Variants in KCTD16 observed in about 807,000 individuals in gnomAD.
The protein encoded by KCTD16 is potassium channel tetramerization domain containing 16.
In KCTD16, 13 loss-of-function variants were observed where a neutral mutation model predicts 33.2. The ratio of observed to expected loss-of-function variants is 0.39; its 90% CI spans 0.25 to 0.62. The LOEUF (loss-of-function observed/expected upper bound fraction) is 0.62, where lower values mean the gene tolerates loss of function less well. Ranked by LOEUF, KCTD16 falls within the 20% of genes least tolerant of loss-of-function variation. KCTD16 has a pLI of 0.50. For missense variants in KCTD16, 441 were observed against 525.1 expected, an observed-to-expected ratio of 0.84 and a Z score of 1.57; for synonymous variants, 197 against 195.3, an observed-to-expected ratio of 1.01 and a Z score of -0.07.
intron 3 of KCTD16, among the ~76,000 whole-genome samples, chr5:144,461,330 C>A (rs947359640): frequency 1.3e-5 from 2 of 152,006 alleles, no homozygotes; most frequent in Admixed American, 1.3e-4. Flanking sequence ...TCTTCCCATA[C>A]CCCCACTTCC....
At chr5:144,229,952 G>A (rs1754051444) in intron 3 of KCTD16, among the ~76,000 whole-genome samples, 1 of 152,144 alleles carries the variant, frequency 6.6e-6, no homozygotes, top group Non-Finnish European at 1.5e-5. Flanking sequence ...AACCAGCGTG[G>A]CCAACATGGT....
intron 3 of KCTD16, among the ~76,000 whole-genome samples, chr5:144,267,058 T>C (rs1357796582): frequency 6.6e-6 from 1 of 152,232 alleles, no homozygotes; most frequent in African/African-American, 2.4e-5. Flanking sequence ...AAATTAAATC[T>C]TCTGGTCATG....
At chr5:144,205,918 C>A (rs1479587039) in intron 2 of KCTD16, 1 of 190,146 alleles carries the variant, frequency 5.3e-6, no homozygotes, top group African/African-American at 2.3e-5. Flanking sequence ...TCATTGATAC[C>A]TCGGTCGTTT....
rs868299407 is a variant in KCTD16, at chr5:144,180,951, G to T, written c.-327+6479G>T. On this transcript the variant is annotated intron_variant, in intron 2 of 3. Coordinates refer to ENST00000512467, the MANE Select transcript of KCTD16 (RefSeq NM_020768.4). ...TTTTCTTTTTTCTTTTTTTTTTTTT[G>T]AGACGGAGTCTCGCTCTGTCGCCCA... Among the ~76,000 whole-genome samples the T allele has an allele frequency of 5.4e-3, 634 of 117,536 alleles. 3 individuals carry two copies. The highest frequency in any genetic ancestry group is 0.017 in the African/African-American group (520 of 30,992). 77.1% of individuals were successfully genotyped at this position (117,536 alleles called of 152,430 possible). A position where few individuals can be genotyped will look rare whatever the true frequency, so the allele number is the denominator to read the frequency against.
At chr5:144,250,060 A>G (rs974612430) in intron 3 of KCTD16, among the ~76,000 whole-genome samples, 3 of 152,346 alleles carry the variant, frequency 2.0e-5, no homozygotes, top group East Asian at 3.9e-4. Context: ...ATTTACATAC[A>G]TATTTCTCAG....
intron 3 of KCTD16, among the ~76,000 whole-genome samples, chr5:144,459,832 T>C (rs1754153297): frequency 7.6e-6 from 1 of 132,260 alleles, no homozygotes; most frequent in African/African-American, 2.9e-5. Flanking sequence ...ATCTTTTTTT[T>C]TTTTTTTTTT....
intron 3 of KCTD16, among the ~76,000 whole-genome samples, chr5:144,404,010 C>G (rs1752760022): frequency 6.6e-6 from 1 of 152,196 alleles, no homozygotes; most frequent in Non-Finnish European, 1.5e-5. Flanking sequence ...CGCATCCCCC[C>G]AGGCCCTTAT....
intron 3 of KCTD16, among the ~76,000 whole-genome samples, chr5:144,286,498 C>A (rs1755749907): frequency 6.6e-6 from 1 of 152,188 alleles, no homozygotes; most frequent in Non-Finnish European, 1.5e-5. Flanking sequence ...CACTACTTAA[C>A]AATTCAATTC....
In KCTD16 at chr5:144,281,296, T is replaced by G. The variant is rs191982763; in HGVS notation, c.832+73750T>G. Among the ~76,000 whole-genome samples the G allele has an allele frequency of 4.5e-3, 683 of 152,346 alleles. 6 individuals are homozygous for G. The highest frequency in any genetic ancestry group is 7.9e-3 in the South Asian group (38 of 4,826). ...AGGGTAGAAACTTCAGTTATAGATTTGAGAATGTGTTTTGGTTCTAATGTA... is the reference window on the plus strand; with the variant it reads ...AGGGTAGAAACTTCAGTTATAGATTGGAGAATGTGTTTTGGTTCTAATGTA... On this transcript the variant is annotated intron_variant, in intron 3 of 3. Coordinates refer to ENST00000512467, the MANE Select transcript of KCTD16 (RefSeq NM_020768.4).
chr5:144,244,066 T>A (rs1754482229), intron 3 of KCTD16, among the ~76,000 whole-genome samples: 3 of 152,160 alleles, frequency 2.0e-5, no homozygotes, highest in South Asian at 4.1e-4. Context: ...TTTCTATTTA[T>A]GGCATGTAAC....
intron 3 of KCTD16, among the ~76,000 whole-genome samples, chr5:144,311,676 T>C (rs1303380857): frequency 6.6e-6 from 1 of 152,166 alleles, no homozygotes; most frequent in Non-Finnish European, 1.5e-5. Flanking sequence ...TATTCTGTCA[T>C]AAACAGCAGA....
At chr5:144,175,142 A>G (rs1403755713) in intron 2 of KCTD16, among the ~76,000 whole-genome samples, 2 of 152,230 alleles carry the variant, frequency 1.3e-5, no homozygotes, top group Non-Finnish European at 2.9e-5. Context: ...TTGTGTGCCA[A>G]GCATTTCTTT....
intron 3 of KCTD16, among the ~76,000 whole-genome samples, chr5:144,256,880 T>C (rs543420114): frequency 1.5e-4 from 23 of 152,262 alleles, no homozygotes; most frequent in African/African-American, 5.5e-4. Context: ...AGATAAGGTA[T>C]GATCAACATC....
chr5:144,395,782 C>T (rs774064365), intron 3 of KCTD16, among the ~76,000 whole-genome samples: 60 of 152,180 alleles, frequency 3.9e-4, no homozygotes, highest in Non-Finnish European at 6.9e-4. Flanking sequence ...GCATCTTTGC[C>T]TGACAGCTGT....
chr5:144,263,541 G>A (rs1409801234), intron 3 of KCTD16, among the ~76,000 whole-genome samples: 1 of 151,854 alleles, frequency 6.6e-6, no homozygotes, highest in Non-Finnish European at 1.5e-5. Flanking sequence ...TCTTTTCATG[G>A]CTAATTATAG....
intron 3 of KCTD16, among the ~76,000 whole-genome samples, chr5:144,314,726 TA>T (rs766796206): frequency 6.6e-6 from 1 of 152,188 alleles, no homozygotes; most frequent in Non-Finnish European, 1.5e-5. Context: ...CACAAAGCTT[TA>T]TTATTATACT....
rs541541080 is a variant in KCTD16 at position 144,232,526 on chromosome 5, A to G, written c.832+24980A>G. Among the ~76,000 whole-genome samples the G allele has an allele frequency of 2.6e-5, 4 of 152,328 alleles. No individual in the cohort carries two copies. The South Asian group carries it at 8.3e-4, about 32-fold the overall frequency. On this transcript the variant is annotated intron_variant, in intron 3 of 3. Transcript: ENST00000512467. Reference sequence around the variant, plus strand: ...TCCAGAGCCTTGGCTCTCAGCCTCTATGTAATACGTGACCATGCTGCCAGA... The same window carrying G: ...TCCAGAGCCTTGGCTCTCAGCCTCTGTGTAATACGTGACCATGCTGCCAGA...
chr5:144,368,001 C>T (rs1751877291), intron 3 of KCTD16, among the ~76,000 whole-genome samples: 2 of 151,860 alleles, frequency 1.3e-5, no homozygotes, highest in Admixed American at 1.3e-4. Context: ...CTAACTCCCC[C>T]ACTCAGGAGC....
intron 3 of KCTD16, among the ~76,000 whole-genome samples, chr5:144,357,318 C>T (rs1458520207): frequency 6.6e-6 from 1 of 152,110 alleles, no homozygotes; most frequent in African/African-American, 2.4e-5. Context: ...GCATGGAAAC[C>T]AAGTCAGGTA....
Sources: allele counts gnomAD v4.1 joint callset (sites outside exome capture counted in the v4.1 genomes callset), GRCh38; gene constraint gnomAD v4.1.1; transcripts MANE v1.5; gene names NCBI Gene and HGNC (gene_info 2026-07-23, HGNC 2026-07-21).